PREX1: variants seen among roughly 807,000 people sequenced by gnomAD.
The protein encoded by PREX1 is phosphatidylinositol-3,4,5-trisphosphate dependent Rac exchange factor 1, also known as phosphatidylinositol 3,4,5-trisphosphate-dependent Rac exchanger 1 protein.
In PREX1, 41 loss-of-function variants were observed where a neutral mutation model predicts 198.3. That is an observed-to-expected ratio of 0.21 (90% CI 0.16 to 0.27). The LOEUF (loss-of-function observed/expected upper bound fraction) is 0.27. PREX1 is among the 10% of genes least tolerant of loss of function. The probability of loss-of-function intolerance (pLI) is 1.00; values close to 1 mark genes in which losing one functional copy is unlikely to be tolerated. For synonymous variants in PREX1, 843 were observed against 887.2 expected (o/e 0.95, Z 0.89); for missense variants, 1,620 against 2,200.7 (o/e 0.74, Z 5.28).
chr20:48,702,560 C>T (rs530214423), intron 6 of PREX1, among the ~76,000 whole-genome samples: 117 of 152,354 alleles, frequency 7.7e-4, no homozygotes, highest in Non-Finnish European at 1.1e-3. Flanking sequence ...CCTGCCAGGG[C>T]ACATCCTCGA....
intron 1 of PREX1, among the ~76,000 whole-genome samples, chr20:48,816,659 G>A (rs1465349605): frequency 6.6e-6 from 1 of 152,132 alleles, no homozygotes; most frequent in African/African-American, 2.4e-5. Flanking sequence ...CCTCTAGGAA[G>A]TGAGGGTGAT....
intron 2 of PREX1, among the ~76,000 whole-genome samples, chr20:48,745,384 A>T (rs912492488): frequency 6.6e-6 from 1 of 152,252 alleles, no homozygotes; most frequent in African/African-American, 2.4e-5. Context: ...ATACGCATTC[A>T]TAGAATCTAA....
chr20:48,861,838 G>A, the PREX1 span, among the ~76,000 whole-genome samples: 1 of 152,094 alleles, frequency 6.6e-6, no homozygotes, highest in South Asian at 2.1e-4. Flanking sequence ...ATTCCCAGCA[G>A]GAAAGGAAGT....
At chr20:48,758,180 T>C (rs944977293) in intron 1 of PREX1, among the ~76,000 whole-genome samples, 1 of 152,150 alleles carries the variant, frequency 6.6e-6, no homozygotes, top group Non-Finnish European at 1.5e-5. Flanking sequence ...GTTACCACCA[T>C]GAGGCCCCAG....
At position 48,636,495 on chromosome 20, in the gene PREX1, G is replaced by A. The variant is rs147832746; in HGVS notation, c.4135C>T (p.His1379Tyr). Residue 1379 changes from histidine to tyrosine, a missense_variant, in exon 32 of 40, where the codon CAC (histidine) becomes TAC (tyrosine). Physicochemically the swap from His to Tyr is moderately conservative, Grantham distance 83. This residue lies in a region of PREX1 where 476 missense variants were observed against 603.4 expected (regional missense o/e 0.79). Transcript: ENST00000371941. ...GCTGGCGAGAGCAGGGACTGGCAGTGCAGCAGGACGCCCGTGGCCGCCACC... is the reference window on the plus strand; with the variant it reads ...GCTGGCGAGAGCAGGGACTGGCAGTACAGCAGGACGCCCGTGGCCGCCACC... ...EQVAATGVLL[H>Y]CQSLLSPATV... 606 of 1,608,684 alleles carry A rather than the reference G, an allele frequency of 3.8e-4. No individual in the cohort carries two copies. In the African/African-American group the frequency reaches 5.8e-3, roughly 15 times the overall value.
chr20:48,707,811 G>A (rs1329602114), intron 6 of PREX1, among the ~76,000 whole-genome samples: 1 of 152,098 alleles, frequency 6.6e-6, no homozygotes, highest in African/African-American at 2.4e-5. Context: ...TACAGATGAG[G>A]ATACTGAAGT....
At chr20:48,879,768 C>G in the PREX1 span, among the ~76,000 whole-genome samples, 1 of 152,232 alleles carries the variant, frequency 6.6e-6, no homozygotes, top group Admixed American at 6.5e-5. Flanking sequence ...TAATTATGCA[C>G]AGTGGTGACA....
rs531800674 is a variant in PREX1, at chr20:48,671,401, C to T, written c.1665+4792G>A. Among the ~76,000 whole-genome samples, 318 of 152,270 alleles carry T rather than the reference C, an allele frequency of 2.1e-3. 2 individuals are homozygous for T. Among genetic ancestry groups the T allele is most frequent in the African/African-American group, 7.3e-3 (304 of 41,534 alleles). On this transcript the variant is annotated intron_variant, in intron 14 of 39. Transcript: ENST00000371941. ...TAGCAGAACAGAAAGGCAGGAGATG[C>T]CTGGGTACAGACGGCATTGTTGAGC...
intron 5 of PREX1, among the ~76,000 whole-genome samples, chr20:48,723,371 G>A (rs2089994476): frequency 6.6e-6 from 1 of 152,216 alleles, no homozygotes; most frequent in African/African-American, 2.4e-5. Flanking sequence ...CAGAAAGAAG[G>A]AACTCCGGAG....
rs575870079 is a variant in PREX1 at position 48,783,599 on chromosome 20, A to G, written c.220-35719T>C. ...TGGCACCCCCAAACCATCGGAACCC[A>G]GGAGGCAGAGGAGAAATAACAAAGG... On this transcript the variant is annotated intron_variant, in intron 1 of 39. Coordinates refer to ENST00000371941, the MANE Select transcript of PREX1 (RefSeq NM_020820.4). Among the ~76,000 whole-genome samples, 60 of 152,262 alleles carry G rather than the reference A, an allele frequency of 3.9e-4. 1 individual carries two copies. The South Asian group carries it at 6.2e-3, about 16-fold the overall frequency.
chr20:48,690,917 C>A, intron 9 of PREX1, 30 bp downstream of exon 9: 1 of 1,612,618 alleles, frequency 6.2e-7, no homozygotes, highest in Non-Finnish European at 8.5e-7. Flanking sequence ...CTCAGGGATC[C>A]CAGGCGAGCA....
chr20:48,709,580 A>G (rs1231237772), intron 5 of PREX1, among the ~76,000 whole-genome samples: 1 of 152,146 alleles, frequency 6.6e-6, no homozygotes, highest in Admixed American at 6.5e-5. Flanking sequence ...CTGTTATTAG[A>G]CCATTTAACA....
chr20:48,698,061 C>T (rs1048473027), intron 7 of PREX1, among the ~76,000 whole-genome samples: 28 of 152,356 alleles, frequency 1.8e-4, no homozygotes, highest in South Asian at 1.2e-3. Context: ...GAGCTCAGCC[C>T]TCTGGCTCTC....
chr20:48,807,109 C>T (rs555732611), intron 1 of PREX1, among the ~76,000 whole-genome samples: 2 of 152,176 alleles, frequency 1.3e-5, no homozygotes, highest in South Asian at 4.2e-4. Flanking sequence ...TATTGTTAGT[C>T]TATATTAATT....
intron 1 of PREX1, among the ~76,000 whole-genome samples, chr20:48,770,544 C>G (rs894694157): frequency 6.6e-6 from 1 of 152,182 alleles, no homozygotes; most frequent in African/African-American, 2.4e-5. Context: ...AACCCCATCT[C>G]TACTAAAAAT....
chr20:48,777,852 TCAG>T (rs1383887219), intron 1 of PREX1, among the ~76,000 whole-genome samples: 1 of 152,062 alleles, frequency 6.6e-6, no homozygotes, highest in African/African-American at 2.4e-5. Context: ...ATCATCATCA[TCAG>T]CAGCAGCAGC....
chr20:48,862,555 C>T, the PREX1 span, among the ~76,000 whole-genome samples: 4 of 151,926 alleles, frequency 2.6e-5, no homozygotes, highest in African/African-American at 9.7e-5. Context: ...TCTCTCATCA[C>T]GTGACCTTGG....
At chr20:48,766,875 C>G (rs1023746232) in intron 1 of PREX1, among the ~76,000 whole-genome samples, 2 of 152,088 alleles carry the variant, frequency 1.3e-5, no homozygotes, top group Admixed American at 6.5e-5. Context: ...AGGTTCCTCA[C>G]CTGTAAAATA....
At chr20:48,755,413 C>T (rs1283426752) in intron 1 of PREX1, among the ~76,000 whole-genome samples, 1 of 152,214 alleles carries the variant, frequency 6.6e-6, no homozygotes, top group East Asian at 1.9e-4. Flanking sequence ...TATTTCCCAG[C>T]ATCCCTTGCA....
Sources: allele counts gnomAD v4.1 joint callset (sites outside exome capture counted in the v4.1 genomes callset), GRCh38; gene constraint gnomAD v4.1.1; regional missense constraint gnomAD v4.1.1; transcripts MANE v1.5; gene names NCBI Gene and HGNC (gene_info 2026-07-23, HGNC 2026-07-21).